The following KLHL3 variants were observed in gnomAD, a reference collection of about 807,000 sequenced individuals.
KLHL3 encodes kelch like family member 3.
A neutral mutation model predicts 70.5 loss-of-function variants in KLHL3; 19 were observed. The ratio of observed to expected loss-of-function variants is 0.27; its 90% CI spans 0.19 to 0.40. KLHL3 has a LOEUF of 0.40. KLHL3 is among the 10% of genes least tolerant of loss of function. The probability of loss-of-function intolerance (pLI) is 1.00; values close to 1 mark genes in which losing one functional copy is unlikely to be tolerated. For synonymous variants in KLHL3, 258 were observed against 290.3 expected, an observed-to-expected ratio of 0.89 and a Z score of 1.13; for missense variants, 512 against 771.1, an observed-to-expected ratio of 0.66 and a Z score of 3.98.
chr5:137,692,628 C>G, intron 4 of KLHL3, 181 bp from the exon 5 acceptor site: 1 of 592,416 alleles, frequency 1.7e-6, no homozygotes, highest in Non-Finnish European at 3.0e-6. Flanking sequence ...CTTCACGGAC[C>G]CTAAACACCA....
rs559251218 is a variant in KLHL3, at chr5:137,628,357, C to G, written c.1531G>C (p.Asp511His). ...PLVRKSVEVY[D>H]PGTNTWKQVA... ...TGCTTCCAGGTATTTGTTCCAGGAT[C>G]GTAAACCTCAACGCTCTTCCTCACC... Residue 511 changes from aspartate (D) to histidine (H), a missense_variant, in exon 13 of 15, where the codon GAT (aspartate) becomes CAT (histidine). Physicochemically the swap from Asp to His is moderately conservative, Grantham distance 81. Transcript: ENST00000309755. 3.1e-6 allele frequency: 5 copies of G among 1,613,968 alleles called. No homozygotes were observed. The highest frequency in any genetic ancestry group is 2.5e-6 in the Non-Finnish European group (3 of 1,180,014).
chr5:137,704,170 G>C (rs1580775457), intron 3 of KLHL3, among the ~76,000 whole-genome samples: 1 of 152,080 alleles, frequency 6.6e-6, no homozygotes, highest in Non-Finnish European at 1.5e-5. Flanking sequence ...TGGATCATGA[G>C]GTCAGGAGAT....
At chr5:137,676,916 T>C (rs1411673656) in intron 6 of KLHL3, among the ~76,000 whole-genome samples, 1 of 152,178 alleles carries the variant, frequency 6.6e-6, no homozygotes, top group Non-Finnish European at 1.5e-5. Context: ...ACAATAGTAA[T>C]GTCTGCTTCA....
At chr5:137,649,546 A>G (rs549586607) in intron 8 of KLHL3, among the ~76,000 whole-genome samples, 1 of 152,346 alleles carries the variant, frequency 6.6e-6, no homozygotes, top group Admixed American at 6.5e-5. Context: ...CCCTGGGTCA[A>G]AAGGACCCAG....
At chr5:137,724,585 T>C (rs1055274764) in intron 1 of KLHL3, among the ~76,000 whole-genome samples, 46 of 152,304 alleles carry the variant, frequency 3.0e-4, no homozygotes, top group African/African-American at 1.1e-3. Flanking sequence ...CTGATGACCA[T>C]AGGGCTGGCT....
At chr5:137,645,726 C>G (rs1320643236) in intron 8 of KLHL3, among the ~76,000 whole-genome samples, 1 of 151,894 alleles carries the variant, frequency 6.6e-6, no homozygotes. Context: ...GCTCATACTA[C>G]CTAAAGCAAT....
intron 8 of KLHL3, among the ~76,000 whole-genome samples, chr5:137,653,926 G>A (rs1413544556): frequency 1.3e-5 from 2 of 152,198 alleles, no homozygotes; most frequent in Admixed American, 6.5e-5. Flanking sequence ...AAAGGAATGA[G>A]CTCCTGATAC....
chr5:137,624,984 A>G (rs1285668218), intron 14 of KLHL3, among the ~76,000 whole-genome samples: 2 of 152,112 alleles, frequency 1.3e-5, no homozygotes, highest in Admixed American at 1.3e-4. Flanking sequence ...TGGACTTAGA[A>G]CTCTGGGTTT....
At chr5:137,689,224 C>T (rs1479254660) in intron 5 of KLHL3, among the ~76,000 whole-genome samples, 1 of 152,250 alleles carries the variant, frequency 6.6e-6, no homozygotes, top group Non-Finnish European at 1.5e-5. Flanking sequence ...TGCTTATATA[C>T]TGCTGGTGGG....
At chr5:137,637,148 C>T (rs1489806562) in intron 11 of KLHL3, 146 bp downstream of exon 11, 9 of 603,682 alleles carry the variant, frequency 1.5e-5, no homozygotes, top group East Asian at 6.0e-5. Flanking sequence ...TTTCCTCATC[C>T]GCTAAATCAG....
Position 137,729,706 on chromosome 5 carries a change from G to A in KLHL3, c.14+5927C>T, listed in dbSNP as rs138531692. Among the ~76,000 whole-genome samples the A allele has an allele frequency of 8.3e-3, 1,257 of 152,212 alleles. 20 individuals are homozygous for A. The highest frequency in any genetic ancestry group is 0.029 in the African/African-American group (1,187 of 41,524). On this transcript the variant is annotated intron_variant, in intron 1 of 14. Coordinates refer to ENST00000309755, the MANE Select transcript of KLHL3 (RefSeq NM_017415.3). ...CTGGACAGCAATGGGACCCTATATA[G>A]ATAGGATTTCTGAGCCCCTGGCACT...
chr5:137,672,504 T>A lies in KLHL3; in HGVS notation c.636+5041A>T, dbSNP rs146762441. 5.8e-3 allele frequency among the ~76,000 whole-genome samples: 884 copies of A among 152,324 alleles called. 10 individuals are homozygous for A. Among genetic ancestry groups the A allele is most frequent in the Non-Finnish European group, 6.0e-3 (407 of 68,036 alleles). Reference sequence around the variant, plus strand: ...AACCTATAGTTCTTATTCCAGAACATACTTAACACTAATTTTTTAAAAAGA... The same window carrying A: ...AACCTATAGTTCTTATTCCAGAACAAACTTAACACTAATTTTTTAAAAAGA... On this transcript the variant is annotated intron_variant, in intron 6 of 14. Coordinates refer to ENST00000309755, the MANE Select transcript of KLHL3 (RefSeq NM_017415.3).
intron 4 of KLHL3, among the ~76,000 whole-genome samples, chr5:137,697,241 G>A (rs1752468303): frequency 6.6e-6 from 1 of 151,662 alleles, no homozygotes; most frequent in African/African-American, 2.4e-5. Context: ...TCAGCTCACA[G>A]CAACCTCCGC....
chr5:137,730,939 A>C (rs1268831092), intron 1 of KLHL3, among the ~76,000 whole-genome samples: 1 of 152,202 alleles, frequency 6.6e-6, no homozygotes, highest in Non-Finnish European at 1.5e-5. Flanking sequence ...AGAAAAAAAA[A>C]TCTACCAACA....
Position 137,619,778 on chromosome 5 carries a change from GGTGA to G in KLHL3, c.*2316_*2319del, listed in dbSNP as rs1371374458. The G allele has an allele frequency of 6.6e-6, 1 of 152,646 alleles. No individual in the cohort carries two copies. Among genetic ancestry groups the G allele is most frequent in the Admixed American group, 6.5e-5 (1 of 15,278 alleles). 9.5% of individuals were successfully genotyped at this position (152,646 alleles called of 1,614,324 possible). A position where few individuals can be genotyped will look rare whatever the true frequency, so the allele number is the denominator to read the frequency against. On this transcript the variant is annotated 3_prime_UTR_variant, in exon 15 of 15. Transcript: ENST00000309755. ...GTGCTTTGTAGGGAGGGAGACATGA[GGTGA>G]AACCAATTGCAAAAATCCAAAAACA...
rs778858224 is a variant in KLHL3, at chr5:137,628,278, T to C, written c.1591+19A>G. 8 of 1,613,700 alleles carry C rather than the reference T, an allele frequency of 5.0e-6. No individual in the cohort carries two copies. The highest frequency in any genetic ancestry group is 1.1e-5 in the South Asian group (1 of 91,026). On this transcript the variant is annotated intron_variant, in intron 13 of 14. Coordinates refer to ENST00000309755, the MANE Select transcript of KLHL3 (RefSeq NM_017415.3). ...AGGCACACAACCCCCAAAGGGGAGA[T>C]GGAGAGAGCAGTCATTACCTGCGTT...
At chr5:137,711,810 T>C (rs1752797103) in intron 2 of KLHL3, among the ~76,000 whole-genome samples, 1 of 152,204 alleles carries the variant, frequency 6.6e-6, no homozygotes, top group Non-Finnish European at 1.5e-5. Flanking sequence ...AATTTTATTC[T>C]AAAATTGTAT....
intron 2 of KLHL3, among the ~76,000 whole-genome samples, chr5:137,712,304 G>A (rs1214232555): frequency 6.6e-6 from 1 of 152,030 alleles, no homozygotes; most frequent in Non-Finnish European, 1.5e-5. Flanking sequence ...GTGTTATCTT[G>A]CACAAACCCA....
chr5:137,680,967 G>C (rs1194395000), intron 5 of KLHL3, among the ~76,000 whole-genome samples: 1 of 152,006 alleles, frequency 6.6e-6, no homozygotes, highest in Non-Finnish European at 1.5e-5. Flanking sequence ...GAGGTCAGGG[G>C]TTCAAGACTA....
Sources: allele counts gnomAD v4.1 joint callset (sites outside exome capture counted in the v4.1 genomes callset), GRCh38; gene constraint gnomAD v4.1.1; transcripts MANE v1.5; gene names NCBI Gene and HGNC (gene_info 2026-07-23, HGNC 2026-07-21).